Variants in ME2 observed in about 807,000 individuals in gnomAD.
ME2 encodes the protein malic enzyme 2.
ME2 carries 60 observed loss-of-function variants against 73.7 expected under a neutral mutation model. The observed-to-expected ratio is 0.81, with a 90% CI of 0.66 to 1.01. The LOEUF is 1.01. Ranked by LOEUF, ME2 falls within the 50% of genes least tolerant of loss-of-function variation. The probability of loss-of-function intolerance (pLI) is 0.00; values close to 1 mark genes in which losing one functional copy is unlikely to be tolerated. For synonymous variants in ME2, 199 were observed against 236.9 expected, an observed-to-expected ratio of 0.84 and a Z score of 1.47; for missense variants, 594 against 705.5, an observed-to-expected ratio of 0.84 and a Z score of 1.79.
chr18:50,911,075 A>G (rs1917145284), intron 3 of ME2, among the ~76,000 whole-genome samples: 1 of 152,232 alleles, frequency 6.6e-6, no homozygotes, highest in Non-Finnish European at 1.5e-5. Flanking sequence ...TCACTGAGGC[A>G]CACAGAAGAC....
At chr18:50,937,734 A>G (rs1917850328) in intron 13 of ME2, among the ~76,000 whole-genome samples, 1 of 152,172 alleles carries the variant, frequency 6.6e-6, no homozygotes, top group African/African-American at 2.4e-5. Flanking sequence ...AAAGTTTGAT[A>G]GCAGAAAGAA....
At chr18:50,932,775 C>T (rs962623007) in intron 13 of ME2, 4 of 154,586 alleles carry the variant, frequency 2.6e-5, no homozygotes, top group African/African-American at 9.6e-5. Flanking sequence ...CCTGCCTCAG[C>T]CTCCCGAGTA....
At chr18:50,880,012 C>T (rs181486239) in intron 1 of ME2, among the ~76,000 whole-genome samples, 1 of 152,312 alleles carries the variant, frequency 6.6e-6, no homozygotes, top group Admixed American at 6.5e-5. Flanking sequence ...CACGTGCTTT[C>T]TTACAAAACG....
rs374683301 is a variant in ME2, at chr18:50,907,654, C to T, written c.109-409C>T. 4.6e-5 allele frequency among the ~76,000 whole-genome samples: 7 copies of T among 152,242 alleles called. No individual in the cohort carries two copies. In the South Asian group the frequency reaches 6.2e-4, roughly 14 times the overall value. ...TATACCATAGGATGCTTAACTCTTTCGTAGTTAATGGGCTTTTTGTTAGCT... is the reference window on the plus strand; with the variant it reads ...TATACCATAGGATGCTTAACTCTTTTGTAGTTAATGGGCTTTTTGTTAGCT... On this transcript the variant is annotated intron_variant, in intron 2 of 15. Coordinates refer to ENST00000321341, the MANE Select transcript of ME2 (RefSeq NM_002396.5).
At chr18:50,882,449 T>C (rs1390981699) in intron 1 of ME2, among the ~76,000 whole-genome samples, 1 of 152,156 alleles carries the variant, frequency 6.6e-6, no homozygotes, top group East Asian at 1.9e-4. Flanking sequence ...ATTAATAATA[T>C]GTATATATCA....
chr18:50,931,950 TGGGACTGCAG>T (rs1473551298), intron 12 of ME2, among the ~76,000 whole-genome samples: 1 of 152,178 alleles, frequency 6.6e-6, no homozygotes, highest in East Asian at 1.9e-4. Flanking sequence ...CCCAAAGTGC[TGGGACTGCAG>T]GTGTAAGCTT....
intron 1 of ME2, among the ~76,000 whole-genome samples, chr18:50,880,645 T>C (rs571701827): frequency 6.6e-6 from 1 of 152,198 alleles, no homozygotes; most frequent in Admixed American, 6.5e-5. Context: ...CTCGAACTCC[T>C]GACCTCAAGT....
At chr18:50,926,444 A>C (rs1917555433) in intron 12 of ME2, among the ~76,000 whole-genome samples, 1 of 152,180 alleles carries the variant, frequency 6.6e-6, no homozygotes, top group African/African-American at 2.4e-5. Context: ...GCATTGTCTT[A>C]GGTTTTTAAC....
intron 2 of ME2, among the ~76,000 whole-genome samples, chr18:50,902,120 C>T (rs1025271410): frequency 1.3e-5 from 2 of 152,096 alleles, no homozygotes; most frequent in African/African-American, 4.8e-5. Flanking sequence ...TAGTAAATAC[C>T]TATGCAAACC....
At chr18:50,895,765 T>C (rs1916724468) in intron 1 of ME2, 44 bp from the exon 2 acceptor site, 5 of 1,259,122 alleles carry the variant, frequency 4.0e-6, no homozygotes, top group Non-Finnish European at 5.8e-6. Context: ...TGAAGGCCTA[T>C]AATATGATTC....
intron 13 of ME2, among the ~76,000 whole-genome samples, chr18:50,937,312 C>G (rs2144263913): frequency 6.6e-6 from 1 of 152,248 alleles, no homozygotes; most frequent in African/African-American, 2.4e-5. Flanking sequence ...TTGGGATATT[C>G]TTTGAATAGA....
intron 7 of ME2, among the ~76,000 whole-genome samples, chr18:50,918,604 C>T (rs552011540): frequency 2.6e-5 from 4 of 152,228 alleles, no homozygotes; most frequent in South Asian, 4.2e-4. Context: ...CTCTTTGCAC[C>T]GTCAACTCAG....
chr18:50,888,805 T>G (rs1188108050), intron 1 of ME2, among the ~76,000 whole-genome samples: 2 of 152,174 alleles, frequency 1.3e-5, no homozygotes, highest in Non-Finnish European at 2.9e-5. Context: ...AATATATTGA[T>G]CTTCCTGATT....
At chr18:50,942,697 A>G (rs1054779465) in intron 15 of ME2, 8 of 296,654 alleles carry the variant, frequency 2.7e-5, no homozygotes, top group Non-Finnish European at 4.9e-5. Context: ...TTTTCTTTCC[A>G]AGTATCTTCT....
chr18:50,888,310 A>C lies in ME2; in HGVS notation c.-12-7499A>C, dbSNP rs867198665. 3.9e-4 allele frequency among the ~76,000 whole-genome samples: 59 copies of C among 150,756 alleles called. 2 individuals carry two copies. The South Asian group carries it at 0.012, about 31-fold the overall frequency. ...CAGTGAGCTGTGATCATGCCACTGC[A>C]CTCTAGCCTAGGCAACAGAGCAAGA... is the stretch of plus-strand genomic sequence containing the variant. On this transcript the variant is annotated intron_variant, in intron 1 of 15. Coordinates refer to ENST00000321341, the MANE Select transcript of ME2 (RefSeq NM_002396.5).
chr18:50,912,250 T>A (rs571507131), intron 3 of ME2, among the ~76,000 whole-genome samples: 1 of 152,238 alleles, frequency 6.6e-6, no homozygotes. Context: ...AAGTTATTTA[T>A]ATATTTATTG....
chr18:50,946,999 A>G lies in ME2; in HGVS notation c.1588-18A>G. ...GTTAATACTCAGAGCCTACACAATA[A>G]CCTTACTTATTTTTCAGGTTACAGA... On this transcript the variant is annotated intron_variant, in intron 15 of 15. Transcript: ENST00000321341. The G allele has an allele frequency of 6.3e-7, 1 of 1,594,184 alleles. No individual in the cohort carries two copies. The highest frequency in any genetic ancestry group is 8.6e-7 in the Non-Finnish European group (1 of 1,162,378).
At chr18:50,893,514 CA>C (rs1916659640) in intron 1 of ME2, among the ~76,000 whole-genome samples, 1 of 152,170 alleles carries the variant, frequency 6.6e-6, no homozygotes, top group South Asian at 2.1e-4. Context: ...GATGCCTCCC[CA>C]GTAGTTAGCC....
At chr18:50,923,659 G>C (rs1181439135) in intron 10 of ME2, among the ~76,000 whole-genome samples, 2 of 152,078 alleles carry the variant, frequency 1.3e-5, no homozygotes, top group South Asian at 4.1e-4. Flanking sequence ...GGCTGAGGTG[G>C]GAGGATCACC....
Sources: gnomAD v4.1 joint callset for allele counts (sites outside exome capture counted in the v4.1 genomes callset) on GRCh38, gnomAD v4.1.1 for gene constraint, MANE v1.5 for transcripts, NCBI Gene and HGNC (gene_info 2026-07-23, HGNC 2026-07-21) for gene names.